The following ZNF764 variants were observed in gnomAD, a reference collection of about 807,000 sequenced individuals.
The protein encoded by ZNF764 is zinc finger protein 764.
In ZNF764, 10 loss-of-function variants were observed where a neutral mutation model predicts 13.9. That is an observed-to-expected ratio of 0.72 (90% confidence interval 0.44 to 1.22). ZNF764 has a LOEUF of 1.22. Among genes scored for constraint, ZNF764 ranks in the 50% most tolerant of loss-of-function variants. ZNF764 has a pLI of 0.00. For synonymous variants in ZNF764, 313 were observed against 255.1 expected, an observed-to-expected ratio of 1.23 and a Z score of -2.16; for missense variants, 647 against 589.7, an observed-to-expected ratio of 1.10 and a Z score of -1.01.
intron 2 of ZNF764, 98 bp from the exon 3 acceptor site, chr16:30,556,205 G>A (rs1383288654): frequency 1.0e-5 from 15 of 1,431,526 alleles, no homozygotes; most frequent in Middle Eastern, 2.4e-4. Flanking sequence ...TGGATCCCCG[G>A]CTGCTCCTGG....
chr16:30,555,660 G>A lies in ZNF764; in HGVS notation c.758C>T (p.Thr253Ile). 6.5e-7 allele frequency: 1 copy of A among 1,547,080 alleles called. No homozygotes were observed. Among genetic ancestry groups the A allele is most frequent in the Non-Finnish European group, 8.7e-7 (1 of 1,150,356 alleles). ...SALTSHLRVH[T>I]GEKPYGCADC... is the part of the protein sequence containing the mutation. Reference sequence around the variant, plus strand: ...GGCGCAGCCATAGGGTTTCTCGCCGGTGTGGACGCGCAGGTGCGAAGTCAG... The same window carrying A: ...GGCGCAGCCATAGGGTTTCTCGCCGATGTGGACGCGCAGGTGCGAAGTCAG... Residue 253 changes from threonine to isoleucine, a missense_variant, in exon 3 of 3, where the codon ACC (threonine) becomes ATC (isoleucine). Thr to Ile is a moderately conservative substitution (Grantham distance 89, BLOSUM62 -1). Transcript: ENST00000395091.
rs945425632 is a variant in ZNF764 at position 30,558,111 on chromosome 16, C to T, written c.72G>A (p.Gly24=). Residue 24 remains glycine (G), a synonymous_variant, in exon 1 of 3, where the codon GGG becomes GGA. Transcript: ENST00000395091. ...CGGCCACGTCCGCGAAGCTCACAGC[C>T]CCCGGCTCCCTCCACTCGGGTCCGG... The part of the protein sequence containing the change: ...NGAGPEWREP[G]AVSFADVAVY... The T allele has an allele frequency of 6.2e-7, 1 of 1,609,530 alleles. No homozygotes were observed. The highest frequency in any genetic ancestry group is 1.7e-5 in the Admixed American group (1 of 59,746).
Position 30,555,766 on chromosome 16 carries a change from T to C in ZNF764, c.652A>G (p.Ser218Gly). Reference protein sequence around the residue: ...GKGFGHASSLSKHRAIHRGER... With the variant: ...GKGFGHASSLGKHRAIHRGER... ...CCACGATGGATGGCCCGGTGTTTGC[T>C]CAGGGAGGAAGCGTGGCCGAAGCCC... is the stretch of plus-strand genomic sequence containing the variant. Residue 218 changes from serine (S) to glycine (G), a missense_variant, in exon 3 of 3, where the codon AGC becomes GGC. Physicochemically the swap from Ser to Gly is moderately conservative, Grantham distance 56. Coordinates refer to ENST00000395091, the MANE Select transcript of ZNF764 (RefSeq NM_001172679.2). 1 of 1,608,906 alleles carries C rather than the reference T, an allele frequency of 6.2e-7. No homozygotes were observed. Among genetic ancestry groups the C allele is most frequent in the Non-Finnish European group, 8.5e-7 (1 of 1,179,316 alleles).
In ZNF764 at chr16:30,558,153, G is replaced by C; in HGVS notation, c.30C>G (p.Pro10=). 1.9e-6 allele frequency: 3 copies of C among 1,600,696 alleles called. No individual in the cohort carries two copies. The highest frequency in any genetic ancestry group is 2.5e-6 in the Non-Finnish European group (3 of 1,177,322). The change falls in exon 1 of 3, where the codon CCC becomes CCG. Residue 10 remains proline (P), a synonymous_variant. Transcript: ENST00000395091. MAPPLAPLP[P]RDPNGAGPEW... is the part of the protein sequence containing the mutation. The stretch of plus-strand genomic sequence containing the variant: ...CGGGTCCGGCCCCGTTTGGGTCCCG[G>C]GGAGGGAGCGGGGCCAGAGGCGGCG...
Position 30,556,016 on chromosome 16 carries a change from C to T in ZNF764, c.402G>A (p.Lys134=), listed in dbSNP as rs775694517. 2.5e-6 allele frequency: 4 copies of T among 1,612,936 alleles called. No individual in the cohort carries two copies. The highest frequency in any genetic ancestry group is 2.2e-5 in the East Asian group (1 of 44,874). The change falls in exon 3 of 3, where the codon AAG becomes AAA. Residue 134 remains lysine, a synonymous_variant. Transcript: ENST00000395091. ...GCCCGGCCGAGGGGGCTTGGGGAGACTTCAGCCCAGGAGACCCGGCGGCCA... is the reference window on the plus strand; with the variant it reads ...GCCCGGCCGAGGGGGCTTGGGGAGATTTCAGCCCAGGAGACCCGGCGGCCA... The part of the protein sequence containing the change: ...DPVAAGSPGL[K]SPQAPSAGPP...
chr16:30,555,658 C>G lies in ZNF764; in HGVS notation c.760G>C (p.Gly254Arg). Residue 254 changes from glycine to arginine, a missense_variant, in exon 3 of 3, where the codon GGC (glycine) becomes CGC (arginine). By Grantham distance (125) the Gly-to-Arg change is moderately radical. Transcript: ENST00000395091. ...TCGGCGCAGCCATAGGGTTTCTCGC[C>G]GGTGTGGACGCGCAGGTGCGAAGTC... is the stretch of plus-strand genomic sequence containing the variant. ...ALTSHLRVHT[G>R]EKPYGCADCG... 6.5e-7 allele frequency: 1 copy of G among 1,545,184 alleles called. No individual in the cohort carries two copies. Among genetic ancestry groups the G allele is most frequent in the Non-Finnish European group, 8.7e-7 (1 of 1,149,494 alleles).
In ZNF764 at chr16:30,557,722, C is replaced by G. The variant is rs1360618106; in HGVS notation, c.310+11G>C. ...AGAAGTCCCCATGGGACTGAGCACC[C>G]GATACTCCACCTGGGTCCGTTTGTG... On this transcript the variant is annotated intron_variant, in intron 2 of 2. Transcript: ENST00000395091. 6.2e-7 allele frequency: 1 copy of G among 1,613,208 alleles called. No individual in the cohort carries two copies. Among genetic ancestry groups the G allele is most frequent in the African/African-American group, 1.3e-5 (1 of 75,002 alleles).
intron 2 of ZNF764, 53 bp from the exon 3 acceptor site, chr16:30,556,160 A>G (rs1488311588): frequency 6.3e-7 from 1 of 1,599,278 alleles, no homozygotes; most frequent in Admixed American, 1.7e-5. Context: ...CTGGTCCTTG[A>G]ATCCCACAGC....
rs978225902 is a variant in ZNF764 at position 30,558,271 on chromosome 16, G to C, written c.-89C>G. On this transcript the variant is annotated 5_prime_UTR_variant, in exon 1 of 3. Coordinates refer to ENST00000395091, the MANE Select transcript of ZNF764 (RefSeq NM_001172679.2). Reference sequence around the variant, plus strand: ...CTCCTGCGCCCGAGAAAGCCTCCCCGGCCCGGGCCCAAGGGAAGGAGGGAG... The same window carrying C: ...CTCCTGCGCCCGAGAAAGCCTCCCCCGCCCGGGCCCAAGGGAAGGAGGGAG... 8 of 1,411,812 alleles carry C rather than the reference G, an allele frequency of 5.7e-6. No homozygotes were observed. Among genetic ancestry groups the C allele is most frequent in the Non-Finnish European group, 7.4e-6 (8 of 1,075,206 alleles). The allele number at this position is 1,411,812 out of a possible 1,614,324, so 87.5% of individuals were successfully genotyped here.
Position 30,557,994 on chromosome 16 carries a change from G to A in ZNF764, c.189C>T (p.Ser63=), listed in dbSNP as rs759253897. ...DVMRETYGHL[S]ALGIGGNKPA... ...AGCAGGTGGGGCTCTCACCGAGAGC[G>A]CTCAGGTGGCCGTAGGTCTCCCGCA... The change falls in exon 1 of 3, where the codon AGC becomes AGT. Residue 63 remains serine, a synonymous_variant. Coordinates refer to ENST00000395091, the MANE Select transcript of ZNF764 (RefSeq NM_001172679.2). 4.4e-6 allele frequency: 7 copies of A among 1,602,222 alleles called. No homozygotes were observed. The East Asian group carries it at 1.4e-4, about 31-fold the overall frequency.
intron 2 of ZNF764, among the ~76,000 whole-genome samples, chr16:30,556,941 C>T (rs937110974): frequency 1.2e-4 from 18 of 152,058 alleles, no homozygotes; most frequent in African/African-American, 4.1e-4. Flanking sequence ...TCGAGACCAG[C>T]CTGGCTAACA....
chr16:30,556,716 A>G (rs758664505), intron 2 of ZNF764, among the ~76,000 whole-genome samples: 6 of 152,078 alleles, frequency 3.9e-5, no homozygotes, highest in African/African-American at 1.2e-4. Context: ...TATATATTAC[A>G]TAACAATTTA....
chr16:30,556,172 C>G, intron 2 of ZNF764, 65 bp from the exon 3 acceptor site: 1 of 1,577,378 alleles, frequency 6.3e-7, no homozygotes, highest in South Asian at 1.1e-5. Context: ...TCCCACAGCC[C>G]GCGTGGACAG....
rs2051526692 is a variant in ZNF764 at position 30,553,880 on chromosome 16, A to G, written c.*1314T>C. On this transcript the variant is annotated 3_prime_UTR_variant, in exon 3 of 3. Coordinates refer to ENST00000395091, the MANE Select transcript of ZNF764 (RefSeq NM_001172679.2). ...AATGACCATAGGAACTCAGCAAGTC[A>G]TATAAATGAGCGGGAAATGCCAGAT... 6.6e-6 allele frequency: 1 copy of G among 152,284 alleles called. No homozygotes were observed. Among genetic ancestry groups the G allele is most frequent in the African/African-American group, 2.4e-5 (1 of 41,478 alleles). 9.4% of individuals were successfully genotyped at this position (152,284 alleles called of 1,614,324 possible).
intron 2 of ZNF764, 25 bp from the exon 3 acceptor site, chr16:30,556,132 G>C (rs1477812744): frequency 1.2e-6 from 2 of 1,607,780 alleles, no homozygotes; most frequent in East Asian, 4.5e-5. Flanking sequence ...AGAGGGGAGA[G>C]TTCAGGCTCG....
intron 2 of ZNF764, among the ~76,000 whole-genome samples, chr16:30,556,742 A>G (rs1038516080): frequency 1.3e-5 from 2 of 152,056 alleles, no homozygotes; most frequent in Admixed American, 6.6e-5. Context: ...ATTAGGCCAG[A>G]CGCAGTGGGT....
chr16:30,557,754 A>G lies in ZNF764; in HGVS notation c.289T>C (p.Cys97Arg). The G allele has an allele frequency of 6.2e-7, 1 of 1,613,560 alleles. No homozygotes were observed. Among genetic ancestry groups the G allele is most frequent in the Non-Finnish European group, 8.5e-7 (1 of 1,179,754 alleles). Residue 97 changes from cysteine to arginine, a missense_variant, in exon 2 of 3, where the codon TGT becomes CGT. By Grantham distance (180) the Cys-to-Arg change is radical. Transcript: ENST00000395091. Reference protein sequence around the residue: ...PAAQDPEVAKCQTQTDPDSRN... With the variant: ...PAAQDPEVAKRQTQTDPDSRN... ...CCACCTGGGTCCGTTTGTGTCTGAC[A>G]TTTCGCCACCTCCGGATCCTGGGCA... is the stretch of plus-strand genomic sequence containing the variant.
chr16:30,555,687 GC>G lies in ZNF764; in HGVS notation c.730del (p.Ala244ArgfsTer2). 1 of 1,566,320 alleles carries G rather than the reference GC, an allele frequency of 6.4e-7. No homozygotes were observed. Among genetic ancestry groups the G allele is most frequent in the South Asian group, 1.2e-5 (1 of 86,898 alleles). On this transcript the variant is annotated frameshift_variant, in exon 3 of 3. Coordinates refer to ENST00000395091, the MANE Select transcript of ZNF764 (RefSeq NM_001172679.2). LOFTEE classifies it low-confidence loss of function (END_TRUNC). ...GTGGACGCGCAGGTGCGAAGTCAGC[GC>G]CGAGCGCTGCGTGAAGGCCCGGCCA... ...ECGRAFTQRSALTSHLRVHTG... is the reference protein window; with the variant it reads ...ECGRAFTQRSXLTSHLRVHTG...
rs1303719066 is a variant in ZNF764, at chr16:30,555,621, C to T, written c.797G>A (p.Arg266His). 1 of 1,541,016 alleles carries T rather than the reference C, an allele frequency of 6.5e-7. No individual in the cohort carries two copies. Among genetic ancestry groups the T allele is most frequent in the South Asian group, 1.2e-5 (1 of 84,030 alleles). Residue 266 changes from arginine (R) to histidine (H), a missense_variant, in exon 3 of 3, where the codon CGC (arginine) becomes CAC (histidine). Coordinates refer to ENST00000395091, the MANE Select transcript of ZNF764 (RefSeq NM_001172679.2). Reference protein sequence around the residue: ...KPYGCADCGRRFSQSSALYQH... With the variant: ...KPYGCADCGRHFSQSSALYQH... ...GTAGAGGGCAGAGCTCTGGCTGAAGCGGCGGCCACAGTCGGCGCAGCCATA... is the reference window on the plus strand; with the variant it reads ...GTAGAGGGCAGAGCTCTGGCTGAAGTGGCGGCCACAGTCGGCGCAGCCATA...
Sources: allele counts gnomAD v4.1 joint callset (sites outside exome capture counted in the v4.1 genomes callset), GRCh38; gene constraint gnomAD v4.1.1; transcripts MANE v1.5; gene names NCBI Gene and HGNC (gene_info 2026-07-23, HGNC 2026-07-21).